The following WWOX variants were observed in gnomAD, a reference collection of about 807,000 sequenced individuals.
WWOX encodes WW domain containing oxidoreductase.
A neutral mutation model predicts 46.2 loss-of-function variants in WWOX; 69 were observed. The observed-to-expected ratio is 1.49, with a 90% CI of 1.23 to 1.82. The LOEUF is 1.82. WWOX is among the 40% of genes most tolerant of loss of function. The probability of loss-of-function intolerance (pLI) is 0.00; values close to 1 mark genes in which losing one functional copy is unlikely to be tolerated. For synonymous variants in WWOX, 359 were observed against 202.6 expected, an observed-to-expected ratio of 1.77 and a Z score of -6.56; for missense variants, 919 against 542.6, an observed-to-expected ratio of 1.69 and a Z score of -6.89.
chr16:78,722,970 A>T (rs1448282225), intron 8 of WWOX, among the ~76,000 whole-genome samples: 1 of 152,054 alleles, frequency 6.6e-6, no homozygotes, highest in Non-Finnish European at 1.5e-5. Flanking sequence ...TGAGCCCAGG[A>T]GTTAGAGGCT....
intron 8 of WWOX, among the ~76,000 whole-genome samples, chr16:78,523,374 A>G (rs2043390223): frequency 6.6e-6 from 1 of 152,198 alleles, no homozygotes. Context: ...CCCCTCTTGT[A>G]TTCAAATGGC....
At chr16:78,458,860 G>A (rs1017964601) in intron 8 of WWOX, among the ~76,000 whole-genome samples, 1 of 152,060 alleles carries the variant, frequency 6.6e-6, no homozygotes, top group Non-Finnish European at 1.5e-5. Context: ...ACAGGAGACT[G>A]TGGGATGATT....
intron 8 of WWOX, among the ~76,000 whole-genome samples, chr16:79,150,565 G>A (rs2050259103): frequency 6.6e-6 from 1 of 152,176 alleles, no homozygotes; most frequent in East Asian, 1.9e-4. Context: ...CCAGCTGAAT[G>A]TTGCCACGTG....
At chr16:78,696,267 C>T (rs969426429) in intron 8 of WWOX, among the ~76,000 whole-genome samples, 4 of 152,146 alleles carry the variant, frequency 2.6e-5, no homozygotes, top group African/African-American at 9.7e-5. Context: ...TTTGCCACAT[C>T]ACGGGATTTT....
At chr16:79,143,525 G>C (rs138632254) in intron 8 of WWOX, among the ~76,000 whole-genome samples, 1 of 152,148 alleles carries the variant, frequency 6.6e-6, no homozygotes, top group Non-Finnish European at 1.5e-5. Context: ...AGTGGCTTCT[G>C]TTGGAGTTTT....
intron 8 of WWOX, among the ~76,000 whole-genome samples, chr16:78,606,624 A>G (rs1183506432): frequency 6.6e-6 from 1 of 152,096 alleles, no homozygotes; most frequent in Non-Finnish European, 1.5e-5. Context: ...TGGTGCGAAA[A>G]TCAGTGACAC....
At chr16:78,934,493 T>A (rs28361930) in intron 8 of WWOX, among the ~76,000 whole-genome samples, 2 of 134,076 alleles carry the variant, frequency 1.5e-5, no homozygotes, top group Admixed American at 8.2e-5. Flanking sequence ...TGGGCAACAG[T>A]GCGAAACCCT....
chr16:78,606,375 G>A (rs912308060), intron 8 of WWOX, among the ~76,000 whole-genome samples: 2 of 151,932 alleles, frequency 1.3e-5, no homozygotes, highest in African/African-American at 2.4e-5. Flanking sequence ...AAAGGAAACG[G>A]TTACTTTGGA....
chr16:78,218,113 G>T (rs929151045), intron 5 of WWOX, among the ~76,000 whole-genome samples: 3 of 151,924 alleles, frequency 2.0e-5, no homozygotes, highest in Non-Finnish European at 4.4e-5. Context: ...AGAATGCAGT[G>T]GTGCAATCAC....
intron 4 of WWOX, among the ~76,000 whole-genome samples, chr16:78,150,606 C>T (rs564876765): frequency 6.6e-6 from 1 of 151,812 alleles, no homozygotes; most frequent in Admixed American, 6.6e-5. Context: ...TGGTCTTGAA[C>T]TCCTCAGCTC....
chr16:78,907,186 A>G (rs565640572), intron 8 of WWOX, among the ~76,000 whole-genome samples: 4 of 152,182 alleles, frequency 2.6e-5, no homozygotes, highest in East Asian at 3.9e-4. Context: ...TGTGGATGCA[A>G]TCATAGGGGT....
At chr16:78,279,234 A>G (rs921335661) in intron 5 of WWOX, among the ~76,000 whole-genome samples, 1 of 152,064 alleles carries the variant, frequency 6.6e-6, no homozygotes, top group African/African-American at 2.4e-5. Context: ...GTGTTGTTTT[A>G]AAAAGGGCTA....
At chr16:78,758,609 C>G (rs748221909) in intron 8 of WWOX, among the ~76,000 whole-genome samples, 25 of 152,158 alleles carry the variant, frequency 1.6e-4, no homozygotes, top group Non-Finnish European at 2.5e-4. Flanking sequence ...TGGATGGTTT[C>G]TTTTTAGCTT....
At chr16:78,559,311 G>C (rs933768361) in intron 8 of WWOX, among the ~76,000 whole-genome samples, 5 of 152,214 alleles carry the variant, frequency 3.3e-5, no homozygotes, top group Admixed American at 2.0e-4. Flanking sequence ...GTGAGGGTCA[G>C]GACTGGTAGC....
chr16:79,135,514 C>T (rs947180688), intron 8 of WWOX, among the ~76,000 whole-genome samples: 1 of 152,134 alleles, frequency 6.6e-6, no homozygotes, highest in Non-Finnish European at 1.5e-5. Context: ...TATTTCTAAT[C>T]TTTGCATATT....
At chr16:78,429,295 C>T (rs1365645137) in intron 7 of WWOX, among the ~76,000 whole-genome samples, 1 of 152,174 alleles carries the variant, frequency 6.6e-6, no homozygotes, top group African/African-American at 2.4e-5. Context: ...TGTCAGTGAA[C>T]ACTAGGAATG....
At chr16:78,919,429 T>C (rs1371066788) in intron 8 of WWOX, among the ~76,000 whole-genome samples, 4 of 152,122 alleles carry the variant, frequency 2.6e-5, no homozygotes, top group Non-Finnish European at 5.9e-5. Context: ...TCACCATTGG[T>C]AGATCATCAC....
chr16:78,135,482 T>A (rs1285002472), intron 4 of WWOX, among the ~76,000 whole-genome samples: 2 of 152,224 alleles, frequency 1.3e-5, no homozygotes, highest in African/African-American at 4.8e-5. Context: ...TAAATTCAAT[T>A]TTGTTAATGT....
At chr16:78,319,848 C>T (rs190678524) in intron 5 of WWOX, among the ~76,000 whole-genome samples, 2 of 152,258 alleles carry the variant, frequency 1.3e-5, no homozygotes, top group East Asian at 3.9e-4. Context: ...AACTTTTACT[C>T]TTCAGGCATC....
Sources: allele counts gnomAD v4.1 joint callset (sites outside exome capture counted in the v4.1 genomes callset), GRCh38; gene constraint gnomAD v4.1.1; transcripts MANE v1.5; gene names NCBI Gene and HGNC (gene_info 2026-07-23, HGNC 2026-07-21).